The following PDK3 variants were observed in gnomAD, a reference collection of about 807,000 sequenced individuals.
The protein encoded by PDK3 is pyruvate dehydrogenase kinase 3.
Under a neutral mutation model 32.0 loss-of-function variants are expected in PDK3, and 12 were observed. The observed-to-expected ratio is 0.37, with a 90% CI of 0.24 to 0.61. PDK3 has a LOEUF of 0.61. Ranked by LOEUF, PDK3 falls within the 20% of genes least tolerant of loss-of-function variation. PDK3 has a pLI of 0.65. For missense variants in PDK3, 188 were observed against 316.9 expected (o/e 0.59, Z 3.09); for synonymous variants, 122 against 116.3 (o/e 1.05, Z -0.31).
exon 12 of PDK3, chrX:24,550,011 G>C (rs1002200647): frequency 1.8e-5 from 2 of 111,947 alleles, no homozygotes; most frequent in Non-Finnish European, 3.8e-5. Flanking sequence ...TCTAAACTGG[G>C]AACAGCTGCT....
At chrX:24,526,404 T>TA (rs1266902636) in intron 7 of PDK3, 130 bp downstream of exon 7, 1 of 439,567 alleles carries the variant, frequency 2.3e-6, no homozygotes, top group Admixed American at 4.2e-5. Context: ...CTATTTCTGA[T>TA]ATCCTGTGGG....
chrX:24,480,723 G>A (rs992178606), intron 1 of PDK3, among the ~76,000 whole-genome samples: 2 of 112,457 alleles, frequency 1.8e-5, no homozygotes, highest in African/African-American at 6.5e-5. Flanking sequence ...GAAAGTTCTG[G>A]ATTTGGAATG....
chrX:24,469,680 G>C (rs1920973139), intron 1 of PDK3, among the ~76,000 whole-genome samples: 1 of 110,736 alleles, frequency 9.0e-6, no homozygotes, highest in East Asian at 2.8e-4. Flanking sequence ...TGGGGTCTTA[G>C]CTACTCAGGA....
At chrX:24,470,799 A>T (rs1920983744) in intron 1 of PDK3, among the ~76,000 whole-genome samples, 1 of 109,461 alleles carries the variant, frequency 9.1e-6, no homozygotes, top group Non-Finnish European at 1.9e-5. Flanking sequence ...AACAGTCTTA[A>T]TTTTCCCTGT....
intron 6 of PDK3, among the ~76,000 whole-genome samples, chrX:24,524,597 G>A (rs1215760312): frequency 8.9e-6 from 1 of 111,850 alleles, no homozygotes; most frequent in East Asian, 2.8e-4. Context: ...TTGTTCTACA[G>A]TGATCAATAT....
rs1569225940 is a variant in PDK3 at position 24,518,933 on chromosome X, AT to A, written c.597del (p.Asp199GlufsTer16). 8.4e-7 allele frequency: 1 copy of A among 1,183,878 alleles called. No homozygotes were observed. Among genetic ancestry groups the A allele is most frequent in the Non-Finnish European group, 1.1e-6 (1 of 877,027 alleles). ...GCTAAACTTTTTCCTTTTCTTGCAG[AT>A]GCATATGAAACAGCCAAGATGCTGT... ...PTCNVADVVK[D>X]AYETAKMLCE... On this transcript the variant is annotated frameshift_variant and splice_region_variant, in exon 6 of 11. Transcript: ENST00000379162. LOFTEE classifies it high-confidence loss of function.
At chrX:24,494,683 A>C in intron 1 of PDK3, 59 bp from the exon 2 acceptor site, 6 of 895,021 alleles carry the variant, frequency 6.7e-6, no homozygotes, top group Non-Finnish European at 9.5e-6. Context: ...CCGTGGGAGC[A>C]CTTTATTTCT....
intron 1 of PDK3, among the ~76,000 whole-genome samples, chrX:24,488,212 C>T (rs1397196300): frequency 9.0e-6 from 1 of 111,022 alleles, no homozygotes; most frequent in Non-Finnish European, 1.9e-5. Flanking sequence ...TCTTGGCTAC[C>T]TCCTGGTCCC....
chrX:24,502,812 C>T (rs376322991), intron 3 of PDK3, among the ~76,000 whole-genome samples: 10 of 111,703 alleles, frequency 9.0e-5, no homozygotes, highest in African/African-American at 2.9e-4. Flanking sequence ...CCACTGCACT[C>T]CAGCCTGGGT....
intron 6 of PDK3, among the ~76,000 whole-genome samples, chrX:24,523,526 A>G (rs998563720): frequency 3.6e-5 from 4 of 112,169 alleles, no homozygotes; most frequent in Non-Finnish European, 5.6e-5. Context: ...CAGGTGGTGC[A>G]ATGGACTGGA....
intron 1 of PDK3, among the ~76,000 whole-genome samples, chrX:24,492,985 G>A (rs1161342374): frequency 9.5e-6 from 1 of 105,311 alleles, no homozygotes; most frequent in African/African-American, 3.5e-5. Flanking sequence ...GGGCGACAGA[G>A]CAACACTCCG....
exon 12 of PDK3, among the ~76,000 whole-genome samples, chrX:24,541,014 A>G (rs1266001340): frequency 2.0e-5 from 2 of 98,273 alleles, no homozygotes; most frequent in African/African-American, 3.9e-5. Context: ...GGTTCAAGCA[A>G]TTCTTGTGCC....
exon 12 of PDK3, chrX:24,548,548 T>G (rs779933249): frequency 1.8e-5 from 2 of 112,263 alleles, no homozygotes; most frequent in Non-Finnish European, 3.8e-5. Context: ...TGAGTAATAT[T>G]TGCCCTCCAG....
chrX:24,466,761 A>G (rs1940068780), intron 1 of PDK3, among the ~76,000 whole-genome samples: 1 of 112,139 alleles, frequency 8.9e-6, no homozygotes, highest in South Asian at 3.7e-4. Context: ...TGATTTCTGC[A>G]TCTTCAAACT....
intron 1 of PDK3, among the ~76,000 whole-genome samples, chrX:24,491,074 A>C (rs1259124631): frequency 9.1e-6 from 1 of 110,043 alleles, no homozygotes; most frequent in Non-Finnish European, 1.9e-5. Context: ...ACAGTTTGGG[A>C]GGCCGAGGTG....
intron 7 of PDK3, among the ~76,000 whole-genome samples, chrX:24,527,006 T>A (rs1211213651): frequency 8.9e-6 from 1 of 112,482 alleles, no homozygotes; most frequent in Non-Finnish European, 1.9e-5. Context: ...ATGTAACGCT[T>A]TAAGGTTGAA....
At chrX:24,498,054 T>C (rs181099586) in intron 2 of PDK3, among the ~76,000 whole-genome samples, 211 of 112,187 alleles carry the variant, frequency 1.9e-3, no homozygotes, top group Admixed American at 7.8e-3. Flanking sequence ...TAATTGGCCT[T>C]CTTTCTCCCC....
intron 5 of PDK3, among the ~76,000 whole-genome samples, chrX:24,512,295 G>T (rs372028649): frequency 8.9e-6 from 1 of 111,970 alleles, no homozygotes; most frequent in Non-Finnish European, 1.9e-5. Flanking sequence ...TGTAAAAATC[G>T]ATTCTCACAG....
At chrX:24,517,291 C>T (rs1356668625) in intron 5 of PDK3, among the ~76,000 whole-genome samples, 1 of 111,393 alleles carries the variant, frequency 9.0e-6, no homozygotes, top group Non-Finnish European at 1.9e-5. Context: ...GGCACGATCT[C>T]GGCTCACTGC....
Sources: gnomAD v4.1 joint callset for allele counts (sites outside exome capture counted in the v4.1 genomes callset) on GRCh38, gnomAD v4.1.1 for gene constraint, MANE v1.5 for transcripts, NCBI Gene and HGNC (gene_info 2026-07-23, HGNC 2026-07-21) for gene names.